Variants in SLC22A23 observed in about 807,000 individuals in gnomAD.
SLC22A23 encodes ion transporter protein.
A neutral mutation model predicts 61.0 loss-of-function variants in SLC22A23; 26 were observed. The ratio of observed to expected loss-of-function variants is 0.43; its 90% CI spans 0.31 to 0.59. The LOEUF is 0.59. SLC22A23 is among the 20% of genes least tolerant of loss of function. The pLI is 0.11. For missense variants in SLC22A23, 796 were observed against 934.7 expected, an observed-to-expected ratio of 0.85 and a Z score of 1.94; for synonymous variants, 430 against 413.9, an observed-to-expected ratio of 1.04 and a Z score of -0.47.
chr6:3,294,573 T>C (rs1251848823), intron 5 of SLC22A23, among the ~76,000 whole-genome samples: 1 of 152,170 alleles, frequency 6.6e-6, no homozygotes, highest in Non-Finnish European at 1.5e-5. Context: ...GTGGCACTCA[T>C]CCCGGGTCTC....
intron 1 of SLC22A23, among the ~76,000 whole-genome samples, chr6:3,438,851 T>C (rs1771396099): frequency 6.6e-6 from 1 of 152,198 alleles, no homozygotes; most frequent in Non-Finnish European, 1.5e-5. Flanking sequence ...AAACCCTTTC[T>C]TCACAGAGGG....
intron 3 of SLC22A23, among the ~76,000 whole-genome samples, chr6:3,326,279 C>G (rs770210341): frequency 5.9e-5 from 9 of 152,216 alleles, no homozygotes; most frequent in Non-Finnish European, 1.3e-4. Context: ...TCAATCCTCT[C>G]CTGTAAACAA....
At chr6:3,394,762 T>G (rs1269651491) in intron 3 of SLC22A23, among the ~76,000 whole-genome samples, 1 of 152,158 alleles carries the variant, frequency 6.6e-6, no homozygotes, top group Non-Finnish European at 1.5e-5. Flanking sequence ...CCCGCTCTGG[T>G]CTACCTTTGC....
At chr6:3,351,304 G>A (rs6917534) in intron 3 of SLC22A23, among the ~76,000 whole-genome samples, 57,116 of 152,106 alleles carry the variant, frequency 0.38, 12,119 homozygotes, top group African/African-American at 0.58. Flanking sequence ...CAGTGTAATC[G>A]GAGTGCGGTG....
chr6:3,275,287 C>A (rs1262977591), intron 9 of SLC22A23, among the ~76,000 whole-genome samples: 1 of 152,078 alleles, frequency 6.6e-6, no homozygotes, highest in Non-Finnish European at 1.5e-5. Flanking sequence ...ATGTTGGACC[C>A]TTCACATCAT....
intron 6 of SLC22A23, among the ~76,000 whole-genome samples, chr6:3,288,178 T>C (rs1406060104): frequency 1.3e-5 from 2 of 152,182 alleles, no homozygotes; most frequent in African/African-American, 4.8e-5. Flanking sequence ...CTCAGGAACC[T>C]TTGGGGTGTA....
At chr6:3,301,631 C>G (rs1761616567) in intron 4 of SLC22A23, among the ~76,000 whole-genome samples, 1 of 152,208 alleles carries the variant, frequency 6.6e-6, no homozygotes, top group African/African-American at 2.4e-5. Flanking sequence ...AGAGGAGGAG[C>G]TGCAGCCCCA....
At chr6:3,370,044 T>C (rs1278026780) in intron 3 of SLC22A23, among the ~76,000 whole-genome samples, 1 of 152,248 alleles carries the variant, frequency 6.6e-6, no homozygotes, top group Non-Finnish European at 1.5e-5. Flanking sequence ...GATCCAATTT[T>C]ATCAGGATGA....
At chr6:3,429,552 G>A (rs1770723697) in intron 1 of SLC22A23, among the ~76,000 whole-genome samples, 1 of 152,150 alleles carries the variant, frequency 6.6e-6, no homozygotes, top group South Asian at 2.1e-4. Flanking sequence ...TTAAAAAATA[G>A]TCTGTAGACC....
At chr6:3,323,060 T>A (rs199755933) in intron 4 of SLC22A23, among the ~76,000 whole-genome samples, 29 of 151,680 alleles carry the variant, frequency 1.9e-4, no homozygotes, top group South Asian at 2.1e-4. Context: ...GGAGAGTTTT[T>A]TAAAAAACCC....
At chr6:3,274,970 T>TC (rs201332172) in intron 9 of SLC22A23, among the ~76,000 whole-genome samples, 19 of 152,108 alleles carry the variant, frequency 1.2e-4, no homozygotes, top group African/African-American at 4.1e-4. Context: ...TTTTTTTTTT[T>TC]CAGAAAACAG....
At position 3,318,655 on chromosome 6, in the gene SLC22A23, A is replaced by G. The variant is rs1299638651; in HGVS notation, c.1082+5179T>C. On this transcript the variant is annotated intron_variant, in intron 4 of 9. Transcript: ENST00000406686. This position sits in a 1 kb window ranked among gnomAD's most constrained non-coding sequence, Gnocchi z 4.3. ...AGTAATAAATGATCTTTCAATGGCA[A>G]TTGTCTCCTGGCCTGCTGACCTCAC... Among the ~76,000 whole-genome samples, 2 of 152,074 alleles carry G rather than the reference A, an allele frequency of 1.3e-5. No homozygotes were observed. The highest frequency in any genetic ancestry group is 3.9e-4 in the East Asian group (2 of 5,180).
chr6:3,380,998 C>T (rs1039898509), intron 3 of SLC22A23, among the ~76,000 whole-genome samples: 5 of 152,182 alleles, frequency 3.3e-5, no homozygotes, highest in Non-Finnish European at 5.9e-5. Context: ...ATCTGCCTAA[C>T]CTCATGGGCA....
At position 3,414,021 on chromosome 6, in the gene SLC22A23, T is replaced by C. The variant is rs1288206537; in HGVS notation, c.758+1731A>G. 6.6e-6 allele frequency among the ~76,000 whole-genome samples: 1 copy of C among 152,250 alleles called. No homozygotes were observed. The highest frequency in any genetic ancestry group is 1.9e-4 in the East Asian group (1 of 5,202). ...CTCTAAGAGCAAGACCCAAACTCTT[T>C]TGTCCTCAGGCCTGGTGTGTGATCA... On this transcript the variant is annotated intron_variant, in intron 2 of 9. Transcript: ENST00000406686. This position sits in a 1 kb window ranked among gnomAD's most constrained non-coding sequence, Gnocchi z 5.1.
At chr6:3,368,408 C>T (rs553672075) in intron 3 of SLC22A23, among the ~76,000 whole-genome samples, 38 of 152,192 alleles carry the variant, frequency 2.5e-4, no homozygotes, top group Non-Finnish European at 4.0e-4. Flanking sequence ...TGCATGTGTG[C>T]ATGTGTGTGT....
intron 1 of SLC22A23, chr6:3,439,443 G>C: frequency 2.8e-6 from 1 of 361,410 alleles, no homozygotes. Flanking sequence ...TGAAGAAAAG[G>C]CTCTGTGACC....
intron 3 of SLC22A23, among the ~76,000 whole-genome samples, chr6:3,406,353 T>C (rs1768826079): frequency 6.6e-6 from 1 of 152,216 alleles, no homozygotes; most frequent in Admixed American, 6.5e-5. Context: ...TTATGGATCC[T>C]GGTTAGGAAA....
chr6:3,380,683 A>T lies in SLC22A23; in HGVS notation c.913+29505T>A, dbSNP rs1030131637. 7.1e-4 allele frequency among the ~76,000 whole-genome samples: 108 copies of T among 152,232 alleles called. 2 individuals are homozygous for T. The highest frequency in any genetic ancestry group is 2.6e-3 in the African/African-American group (107 of 41,466). On this transcript the variant is annotated intron_variant, in intron 3 of 9. Transcript: ENST00000406686. ...CAAGCTATTAGCAAGGACGGGGAAA[A>T]CTGCAGTGAGTTTGTGTATCAGCCA...
At chr6:3,438,041 C>T (rs143506225) in intron 1 of SLC22A23, among the ~76,000 whole-genome samples, 45 of 152,260 alleles carry the variant, frequency 3.0e-4, no homozygotes, top group African/African-American at 1.0e-3. Flanking sequence ...GGGCTCCAAT[C>T]GAACATCTTT....
Sources: allele counts gnomAD v4.1 joint callset (sites outside exome capture counted in the v4.1 genomes callset), GRCh38; gene constraint gnomAD v4.1.1; non-coding constraint Gnocchi (gnomAD v3.1); transcripts MANE v1.5; gene names NCBI Gene and HGNC (gene_info 2026-07-23, HGNC 2026-07-21).